AP4E1: variants seen among roughly 807,000 people sequenced by gnomAD.
AP4E1 encodes the protein adaptor related protein complex 4 subunit epsilon 1.
Under a neutral mutation model 128.2 loss-of-function variants are expected in AP4E1, and 56 were observed. The ratio of observed to expected loss-of-function variants is 0.44; its 90% confidence interval spans 0.35 to 0.55. The LOEUF is 0.55. Among genes scored for constraint, AP4E1 ranks in the 20% least tolerant of loss-of-function variants. AP4E1 has a pLI of 0.00. For synonymous variants in AP4E1, 484 were observed against 473.1 expected (o/e 1.02, Z -0.30); for missense variants, 1,324 against 1,307.7 (o/e 1.01, Z -0.19).
chr15:51,003,451 C>A lies in AP4E1; in HGVS notation c.*789C>A, dbSNP rs182002332. 1.6e-3 allele frequency: 238 copies of A among 152,338 alleles called. 3 individuals are homozygous for A. The highest frequency in any genetic ancestry group is 4.4e-3 in the African/African-American group (181 of 41,564). The allele number at this position is 152,338 out of a possible 1,614,324, so 9.4% of individuals were successfully genotyped here. A position where few individuals can be genotyped will look rare whatever the true frequency, so the allele number is the denominator to read the frequency against. On this transcript the variant is annotated 3_prime_UTR_variant, in exon 21 of 21. Coordinates refer to ENST00000261842, the MANE Select transcript of AP4E1 (RefSeq NM_007347.5). Reference sequence around the variant, plus strand: ...TACAAAAATGACTTTTTAGTTATGACAAATATTTTAGTTGGTTACTACTTA... The same window carrying A: ...TACAAAAATGACTTTTTAGTTATGAAAAATATTTTAGTTGGTTACTACTTA...
intron 16 of AP4E1, among the ~76,000 whole-genome samples, chr15:50,990,751 A>C (rs1012918437): frequency 2.6e-5 from 4 of 152,188 alleles, no homozygotes; most frequent in Non-Finnish European, 5.9e-5. Context: ...ATAAGTATGT[A>C]TGCAGATGAA....
At chr15:50,933,199 TTC>T (rs2063857619) in intron 7 of AP4E1, among the ~76,000 whole-genome samples, 1 of 152,184 alleles carries the variant, frequency 6.6e-6, no homozygotes, top group South Asian at 2.1e-4. Flanking sequence ...GAGTGGAACT[TTC>T]TTATAATGTT....
At chr15:50,950,307 T>C (rs2064131851) in intron 13 of AP4E1, 138 bp downstream of exon 13, 2 of 615,872 alleles carry the variant, frequency 3.2e-6, no homozygotes, top group Non-Finnish European at 5.7e-6. Flanking sequence ...CCACCATCTA[T>C]CACTTAACTA....
rs953141728 is a variant in AP4E1 at position 50,949,861 on chromosome 15, T to C, written c.1352T>C (p.Met451Thr). 9.9e-6 allele frequency: 16 copies of C among 1,613,684 alleles called. No homozygotes were observed. Among genetic ancestry groups the C allele is most frequent in the Non-Finnish European group, 1.4e-5 (16 of 1,179,830 alleles). The change falls in exon 12 of 21, where the codon ATG (methionine) becomes ACG (threonine). Residue 451 changes from methionine (M) to threonine (T), a missense_variant. Coordinates refer to ENST00000261842, the MANE Select transcript of AP4E1 (RefSeq NM_007347.5). ...GATAATGCATGGTTTATTCAGACAA[T>C]GAATGCTGTGTTTTCAGTAGGAGGA... is the stretch of plus-strand genomic sequence containing the variant. ...APDNAWFIQT[M>T]NAVFSVGGDV... is the part of the protein sequence containing the mutation.
chr15:50,988,150 C>G (rs927641279), intron 16 of AP4E1, among the ~76,000 whole-genome samples: 4 of 151,960 alleles, frequency 2.6e-5, no homozygotes, highest in African/African-American at 9.7e-5. Context: ...AGTTGGTCAC[C>G]CAGTGAAGGC....
chr15:50,966,792 C>G (rs1161862283), intron 14 of AP4E1, among the ~76,000 whole-genome samples: 1 of 152,308 alleles, frequency 6.6e-6, no homozygotes, highest in Non-Finnish European at 1.5e-5. Context: ...CCGCCTCGGC[C>G]TCCCAGAGTG....
chr15:50,923,883 G>A (rs774588225), intron 3 of AP4E1, 48 bp from the exon 4 acceptor site: 19 of 1,408,744 alleles, frequency 1.3e-5, no homozygotes, highest in Admixed American at 1.7e-5. Flanking sequence ...CGTGTGAAAA[G>A]TCTGTTTTTG....
At position 50,908,704 on chromosome 15, in the gene AP4E1, G is replaced by A; in HGVS notation, c.-75G>A. On this transcript the variant is annotated 5_prime_UTR_variant, in exon 1 of 21. Transcript: ENST00000261842. ...AGGAAGTGCCTACGGAGGCCGGGCC[G>A]GCAGCGGCGGCCGGGCATGAAGCCG... The A allele has an allele frequency of 7.2e-7, 1 of 1,393,026 alleles. No individual in the cohort carries two copies. Among genetic ancestry groups the A allele is most frequent in the Non-Finnish European group, 9.3e-7 (1 of 1,076,618 alleles). The allele number at this position is 1,393,026 out of a possible 1,614,324, so 86.3% of individuals were successfully genotyped here.
At position 51,003,656 on chromosome 15, in the gene AP4E1, C is replaced by G. The variant is rs1415206784; in HGVS notation, c.*994C>G. The G allele has an allele frequency of 6.6e-6, 1 of 152,584 alleles. No individual in the cohort carries two copies. Among genetic ancestry groups the G allele is most frequent in the African/African-American group, 2.4e-5 (1 of 41,436 alleles). The allele number at this position is 152,584 out of a possible 1,614,324, so 9.5% of individuals were successfully genotyped here. On this transcript the variant is annotated 3_prime_UTR_variant, in exon 21 of 21. Transcript: ENST00000261842. ...ATAGTTATGCCTGTGTGGCCTCTGT[C>G]AGAACTATTATCAGTAAAAGAGGTT...
chr15:50,979,306 TA>T (rs1251601783), intron 15 of AP4E1, among the ~76,000 whole-genome samples: 1 of 152,222 alleles, frequency 6.6e-6, no homozygotes, highest in Non-Finnish European at 1.5e-5. Flanking sequence ...GATTGGACTG[TA>T]AAAAGCTGAT....
intron 1 of AP4E1, 28 bp from the exon 2 acceptor site, chr15:50,912,050 A>G: frequency 6.4e-7 from 1 of 1,552,334 alleles, no homozygotes. Flanking sequence ...ACAGTTAATC[A>G]AGCATTTAAA....
intron 6 of AP4E1, among the ~76,000 whole-genome samples, chr15:50,929,702 C>T (rs1248443927): frequency 2.0e-5 from 3 of 152,078 alleles, no homozygotes; most frequent in Admixed American, 6.6e-5. Context: ...ATATTTGTAA[C>T]AGATTTCATG....
chr15:50,994,757 C>T (rs547189002), intron 17 of AP4E1, among the ~76,000 whole-genome samples: 77 of 152,244 alleles, frequency 5.1e-4, no homozygotes, highest in African/African-American at 1.8e-3. Context: ...TTGTGAACCT[C>T]ATTGCTGGTA....
chr15:50,950,634 C>T (rs935972235), intron 13 of AP4E1, among the ~76,000 whole-genome samples: 1 of 151,878 alleles, frequency 6.6e-6, no homozygotes, highest in African/African-American at 2.4e-5. Context: ...TTTTTAAGTT[C>T]TAGGGTACCT....
intron 14 of AP4E1, among the ~76,000 whole-genome samples, chr15:50,960,910 C>T (rs555749782): frequency 1.3e-5 from 2 of 151,244 alleles, no homozygotes; most frequent in Non-Finnish European, 3.0e-5. Context: ...AGAGAAGATT[C>T]AAATAAGTAA....
chr15:50,968,433 T>A (rs2064426459), intron 15 of AP4E1, 56 bp downstream of exon 15: 3 of 1,162,332 alleles, frequency 2.6e-6, no homozygotes, highest in Non-Finnish European at 3.8e-6. Flanking sequence ...TTTTTGATAT[T>A]ATAGTCATGT....
At chr15:50,950,724 G>T (rs1394886289) in intron 13 of AP4E1, among the ~76,000 whole-genome samples, 1 of 152,042 alleles carries the variant, frequency 6.6e-6, no homozygotes, top group Admixed American at 6.6e-5. Context: ...CATCACCTAG[G>T]TATTAAGACT....
chr15:50,908,564 G>C (rs970696566), upstream of AP4E1: 5 of 519,386 alleles, frequency 9.6e-6, no homozygotes, highest in South Asian at 4.0e-5. Flanking sequence ...GCGCAATCTC[G>C]AGCGAGCGGC....
chr15:50,912,713 A>AGTGGC (rs1221840138), intron 2 of AP4E1, among the ~76,000 whole-genome samples: 1 of 149,446 alleles, frequency 6.7e-6, no homozygotes, highest in East Asian at 2.0e-4. Context: ...GCTGGAGTGC[A>AGTGGC]GTGGCGTGGC....
Sources: allele counts gnomAD v4.1 joint callset (sites outside exome capture counted in the v4.1 genomes callset), GRCh38; gene constraint gnomAD v4.1.1; transcripts MANE v1.5; gene names NCBI Gene and HGNC (gene_info 2026-07-23, HGNC 2026-07-21).